EYS: variants seen among roughly 807,000 people sequenced by gnomAD.
EYS encodes EGF-like photoreceptor maintenance factor.
Under a neutral mutation model 282.1 loss-of-function variants are expected in EYS, and 250 were observed. The observed-to-expected ratio is 0.89, with a 90% CI of 0.80 to 0.98. The LOEUF (loss-of-function observed/expected upper bound fraction) is 0.98, where lower values mean the gene tolerates loss of function less well. EYS is among the 50% of genes least tolerant of loss of function. EYS has a pLI of 0.00. For synonymous variants in EYS, 1,355 were observed against 1,282.9 expected (o/e 1.06, Z -1.20); for missense variants, 4,016 against 3,709.0 (o/e 1.08, Z -2.15).
chr6:64,539,141 A>C (rs1450031548), intron 26 of EYS, among the ~76,000 whole-genome samples: 1 of 152,198 alleles, frequency 6.6e-6, no homozygotes. Flanking sequence ...ACAGATTTTC[A>C]CTTTTGCAAG....
intron 1 of EYS, among the ~76,000 whole-genome samples, chr6:65,655,653 TTTTA>T (rs1327531375): frequency 1.3e-5 from 2 of 151,858 alleles, no homozygotes; most frequent in African/African-American, 2.4e-5. Flanking sequence ...CTGTGTGTTT[TTTTA>T]TTTGTTTGTT....
In EYS at chr6:64,439,186, C is replaced by G; in HGVS notation, c.5811G>C (p.Leu1937Phe). Residue 1937 changes from leucine (L) to phenylalanine (F), a missense_variant, in exon 27 of 43, where the codon TTG becomes TTC. Physicochemically the swap from Leu to Phe is conservative, Grantham distance 22. Transcript: ENST00000503581. ...CCTTTAAAGTACCATTTTCAATAAA[C>G]AATTGAATAAAAAATCCATCTACTA... is the stretch of plus-strand genomic sequence containing the variant. ...SNLVDGFFIQ[L>F]FIENGTLKYH... 1.4e-6 allele frequency: 2 copies of G among 1,468,096 alleles called. No homozygotes were observed. Among genetic ancestry groups the G allele is most frequent in the Non-Finnish European group, 1.8e-6 (2 of 1,108,536 alleles). The allele number at this position is 1,468,096 out of a possible 1,614,324, so 90.9% of individuals were successfully genotyped here. A position where few individuals can be genotyped will look rare whatever the true frequency, so the allele number is the denominator to read the frequency against.
At chr6:63,750,424 A>G (rs1250441631) in intron 41 of EYS, among the ~76,000 whole-genome samples, 1 of 152,186 alleles carries the variant, frequency 6.6e-6, no homozygotes, top group East Asian at 1.9e-4. Context: ...TAATCAGCCC[A>G]GCTGGAAGAC....
intron 26 of EYS, among the ~76,000 whole-genome samples, chr6:64,495,378 G>A (rs1333960180): frequency 1.3e-5 from 2 of 151,784 alleles, no homozygotes; most frequent in Non-Finnish European, 2.9e-5. Context: ...CTTGGAAGAT[G>A]ACAATAACTT....
At chr6:65,586,864 A>AT (rs757227970) in intron 2 of EYS, among the ~76,000 whole-genome samples, 4 of 151,942 alleles carry the variant, frequency 2.6e-5, no homozygotes, top group Non-Finnish European at 4.4e-5. Flanking sequence ...AACTAGATGT[A>AT]TTTTTTCTGT....
At chr6:65,325,994 A>T (rs1323233243) in intron 11 of EYS, among the ~76,000 whole-genome samples, 1 of 152,066 alleles carries the variant, frequency 6.6e-6, no homozygotes, top group Non-Finnish European at 1.5e-5. Flanking sequence ...TTCCTCTCCC[A>T]TGCTCTTTGT....
chr6:65,067,625 T>C (rs867277440), intron 12 of EYS, among the ~76,000 whole-genome samples: 23 of 151,960 alleles, frequency 1.5e-4, no homozygotes, highest in African/African-American at 5.3e-4. Flanking sequence ...GAAAACATAA[T>C]TAACTACTAG....
chr6:63,888,372 C>T (rs886171151), intron 35 of EYS, among the ~76,000 whole-genome samples: 1 of 152,240 alleles, frequency 6.6e-6, no homozygotes, highest in African/African-American at 2.4e-5. Flanking sequence ...GGTTGACACA[C>T]ACCTCATACA....
At chr6:63,967,363 C>A (rs764213610) in intron 35 of EYS, among the ~76,000 whole-genome samples, 16 of 152,140 alleles carry the variant, frequency 1.1e-4, no homozygotes, top group Non-Finnish European at 2.1e-4. Flanking sequence ...AAAAGTGAAA[C>A]TGTGGATAAT....
chr6:64,078,613 T>C (rs1771851651), intron 32 of EYS, among the ~76,000 whole-genome samples: 1 of 152,060 alleles, frequency 6.6e-6, no homozygotes, highest in Non-Finnish European at 1.5e-5. Flanking sequence ...CTTCATGGGC[T>C]CTGAAACTCT....
At chr6:63,817,602 G>C (rs1252367299) in intron 36 of EYS, among the ~76,000 whole-genome samples, 2 of 152,172 alleles carry the variant, frequency 1.3e-5, no homozygotes, top group Non-Finnish European at 2.9e-5. Flanking sequence ...GTTTGTACAG[G>C]GTGAGAAATG....
At chr6:65,222,349 CT>C (rs1582034147) in intron 12 of EYS, among the ~76,000 whole-genome samples, 1 of 152,122 alleles carries the variant, frequency 6.6e-6, no homozygotes, top group Non-Finnish European at 1.5e-5. Context: ...GGATTTTCCG[CT>C]GTCCTTGTGA....
chr6:63,791,260 C>A (rs1770502398), intron 37 of EYS, among the ~76,000 whole-genome samples: 1 of 152,078 alleles, frequency 6.6e-6, no homozygotes, highest in African/African-American at 2.4e-5. Flanking sequence ...AGGAGAAGAA[C>A]AGGGTATGTT....
intron 36 of EYS, among the ~76,000 whole-genome samples, chr6:63,859,975 T>C (rs1286221342): frequency 6.6e-6 from 1 of 152,216 alleles, no homozygotes; most frequent in Non-Finnish European, 1.5e-5. Context: ...ACTAGCTGAT[T>C]TTTCATCCTC....
chr6:65,398,528 C>A (rs1250280739), intron 7 of EYS, among the ~76,000 whole-genome samples: 3 of 151,514 alleles, frequency 2.0e-5, no homozygotes, highest in African/African-American at 7.3e-5. Flanking sequence ...GAAAAAAAAA[C>A]TAGGAGAAAC....
intron 26 of EYS, among the ~76,000 whole-genome samples, chr6:64,566,750 T>C (rs557231050): frequency 1.2e-3 from 190 of 152,176 alleles, no homozygotes; most frequent in South Asian, 9.7e-3. Context: ...CTGTGCATGA[T>C]TAAGGATAAC....
chr6:64,429,777 T>C (rs1050504925), intron 28 of EYS, among the ~76,000 whole-genome samples: 12 of 152,174 alleles, frequency 7.9e-5, no homozygotes, highest in Non-Finnish European at 1.3e-4. Flanking sequence ...AAGGAATATA[T>C]ACCACTTGGA....
At chr6:65,583,093 AAAAAG>A (rs1459329803) in intron 2 of EYS, among the ~76,000 whole-genome samples, 1 of 152,070 alleles carries the variant, frequency 6.6e-6, no homozygotes, top group Non-Finnish European at 1.5e-5. Context: ...TAAGTGACAA[AAAAAG>A]AAATTTGAAT....
intron 31 of EYS, among the ~76,000 whole-genome samples, chr6:64,086,368 T>C (rs1214059441): frequency 6.6e-6 from 1 of 152,196 alleles, no homozygotes; most frequent in African/African-American, 2.4e-5. Flanking sequence ...TTAGTTGTCA[T>C]TGCTGCCATG....
Sources: allele counts gnomAD v4.1 joint callset (sites outside exome capture counted in the v4.1 genomes callset), GRCh38; gene constraint gnomAD v4.1.1; transcripts MANE v1.5; gene names NCBI Gene and HGNC (gene_info 2026-07-23, HGNC 2026-07-21).